NTM: variants seen among roughly 807,000 people sequenced by gnomAD.
NTM encodes the protein neurotrimin.
In NTM, 13 loss-of-function variants were observed where a neutral mutation model predicts 42.1. The ratio of observed to expected loss-of-function variants is 0.31; its 90% CI spans 0.20 to 0.49. NTM has a LOEUF of 0.49. Among genes scored for constraint, NTM ranks in the 20% least tolerant of loss-of-function variants. The pLI is 0.99. For synonymous variants in NTM, 187 were observed against 179.2 expected, an observed-to-expected ratio of 1.04 and a Z score of -0.35; for missense variants, 373 against 452.8, an observed-to-expected ratio of 0.82 and a Z score of 1.60.
intron 1 of NTM, among the ~76,000 whole-genome samples, chr11:131,440,346 A>C (rs1383042516): frequency 1.3e-5 from 2 of 152,162 alleles, no homozygotes; most frequent in Non-Finnish European, 2.9e-5. Context: ...CTTTAGGTTA[A>C]GTGGGAGCTA....
At chr11:131,696,139 CA>C (rs1488825594) in intron 1 of NTM, among the ~76,000 whole-genome samples, 7 of 152,120 alleles carry the variant, frequency 4.6e-5, no homozygotes, top group African/African-American at 1.7e-4. Context: ...GTACTTGGGA[CA>C]AAAAGAGCTA....
intron 1 of NTM, among the ~76,000 whole-genome samples, chr11:131,688,442 T>C (rs541751783): frequency 1.3e-5 from 2 of 152,250 alleles, no homozygotes; most frequent in Admixed American, 1.3e-4. Context: ...CAGAATGGGA[T>C]GGCACATGTC....
chr11:131,853,852 C>T (rs1259305866), intron 1 of NTM, among the ~76,000 whole-genome samples: 1 of 152,210 alleles, frequency 6.6e-6, no homozygotes, highest in African/African-American at 2.4e-5. Flanking sequence ...ACTCTACACT[C>T]CCACCAACAG....
intron 4 of NTM, among the ~76,000 whole-genome samples, chr11:132,290,382 G>GA (rs2094416601): frequency 6.6e-6 from 1 of 152,090 alleles, no homozygotes; most frequent in Admixed American, 6.6e-5. Context: ...GGAGTAATAG[G>GA]AAATAGGGCT....
chr11:131,978,747 T>C (rs1266145541), intron 2 of NTM, among the ~76,000 whole-genome samples: 1 of 152,242 alleles, frequency 6.6e-6, no homozygotes, highest in East Asian at 1.9e-4. Flanking sequence ...TTGTTAAATA[T>C]TGCTTGCACA....
At chr11:131,956,827 C>G (rs913111594) in intron 2 of NTM, among the ~76,000 whole-genome samples, 5 of 152,090 alleles carry the variant, frequency 3.3e-5, no homozygotes, top group African/African-American at 1.2e-4. Context: ...TGAAGCCAGG[C>G]AAAAGGCCCA....
chr11:132,103,977 C>T (rs1032360823), intron 2 of NTM, among the ~76,000 whole-genome samples: 3 of 152,166 alleles, frequency 2.0e-5, no homozygotes, highest in African/African-American at 7.2e-5. Flanking sequence ...GTAGCAGGAC[C>T]ACATTTGAAG....
intron 1 of NTM, among the ~76,000 whole-genome samples, chr11:131,550,630 G>A (rs1159793952): frequency 6.6e-6 from 1 of 152,070 alleles, no homozygotes; most frequent in African/African-American, 2.4e-5. Context: ...ACAGCCTGTG[G>A]AACCATGAGC....
At chr11:132,125,527 T>C (rs1256127359) in intron 2 of NTM, among the ~76,000 whole-genome samples, 1 of 76,602 alleles carries the variant, frequency 1.3e-5, no homozygotes, top group African/African-American at 4.8e-5. Flanking sequence ...GTGTGTGTGG[T>C]GTGTAGTGTG....
Position 131,388,782 on chromosome 11 carries a change from C to T in NTM, c.82+17894C>T, listed in dbSNP as rs1264652993. Among the ~76,000 whole-genome samples the T allele has an allele frequency of 4.6e-5, 7 of 151,700 alleles. No individual in the cohort carries two copies. The East Asian group carries it at 5.8e-4, about 13-fold the overall frequency. The stretch of plus-strand genomic sequence containing the variant: ...ATCCCAGCACTTCGGGAGGTCGAGG[C>T]GGGCGAATCACTTGAGGTCAGGAGT... On this transcript the variant is annotated intron_variant, in intron 1 of 8. Coordinates refer to ENST00000683400, the MANE Select transcript of NTM (RefSeq NM_001352005.2).
intron 1 of NTM, among the ~76,000 whole-genome samples, chr11:131,819,544 C>A (rs889651097): frequency 6.6e-6 from 1 of 152,216 alleles, no homozygotes; most frequent in East Asian, 1.9e-4. Context: ...CCAAAGTCAT[C>A]CACATCCTGT....
chr11:131,888,808 G>A (rs1278313944), intron 1 of NTM, among the ~76,000 whole-genome samples: 2 of 152,080 alleles, frequency 1.3e-5, no homozygotes, highest in African/African-American at 2.4e-5. Flanking sequence ...CAGCCTGTGG[G>A]GTAGGTAGAG....
intron 1 of NTM, among the ~76,000 whole-genome samples, chr11:131,439,774 C>T (rs146932905): frequency 1.0e-3 from 155 of 152,256 alleles, no homozygotes; most frequent in Non-Finnish European, 1.2e-3. Flanking sequence ...TCAGGTGAGG[C>T]GATGCCCTGC....
intron 1 of NTM, among the ~76,000 whole-genome samples, chr11:131,706,627 T>C (rs2076616962): frequency 6.6e-6 from 1 of 152,034 alleles, no homozygotes; most frequent in Non-Finnish European, 1.5e-5. Context: ...TTAAATTTTA[T>C]CAAGTTCTTT....
intron 3 of NTM, among the ~76,000 whole-genome samples, chr11:132,208,880 G>A (rs1219840399): frequency 1.3e-5 from 2 of 152,130 alleles, no homozygotes; most frequent in Admixed American, 6.5e-5. Context: ...GTGCTTTACA[G>A]ATCAATAAAT....
chr11:131,911,044 C>G, intron 1 of NTM: 1 of 1,054,248 alleles, frequency 9.5e-7, no homozygotes, highest in Non-Finnish European at 1.1e-6. Context: ...AACTGAGGGA[C>G]TGCAGACCGC....
intron 2 of NTM, among the ~76,000 whole-genome samples, chr11:132,119,598 G>T (rs932229578): frequency 3.9e-5 from 6 of 152,232 alleles, no homozygotes; most frequent in Non-Finnish European, 5.9e-5. Context: ...AGGAGTCAGT[G>T]CAGGTTAATG....
chr11:131,767,806 C>T (rs1237093260), intron 1 of NTM, among the ~76,000 whole-genome samples: 1 of 152,138 alleles, frequency 6.6e-6, no homozygotes, highest in East Asian at 1.9e-4. Context: ...ATCCCTGAGC[C>T]TTCGAGATTT....
intron 1 of NTM, among the ~76,000 whole-genome samples, chr11:131,729,592 C>T (rs2079384916): frequency 2.6e-5 from 4 of 152,150 alleles, no homozygotes; most frequent in Admixed American, 2.6e-4. Flanking sequence ...ACTTCCCATT[C>T]CCCGTCCTCC....
Sources: allele counts gnomAD v4.1 joint callset (sites outside exome capture counted in the v4.1 genomes callset), GRCh38; gene constraint gnomAD v4.1.1; transcripts MANE v1.5; gene names NCBI Gene and HGNC (gene_info 2026-07-23, HGNC 2026-07-21).